CFAP299: variants seen among roughly 807,000 people sequenced by gnomAD.
The protein encoded by CFAP299 is cilia and flagella associated protein 299, also known as cilia- and flagella-associated protein 299.
Under a neutral mutation model 27.0 loss-of-function variants are expected in CFAP299, and 21 were observed. The ratio of observed to expected loss-of-function variants is 0.78; its 90% confidence interval spans 0.55 to 1.12. CFAP299 has a LOEUF of 1.12. CFAP299 is among the 50% of genes most tolerant of loss of function. CFAP299 has a pLI of 0.00. For missense variants in CFAP299, 310 were observed against 276.6 expected, an observed-to-expected ratio of 1.12 and a Z score of -0.86; for synonymous variants, 104 against 98.1, an observed-to-expected ratio of 1.06 and a Z score of -0.36.
intron 3 of CFAP299, among the ~76,000 whole-genome samples, chr4:80,850,712 T>A (rs1433061567): frequency 2.0e-5 from 3 of 152,064 alleles, no homozygotes; most frequent in Non-Finnish European, 4.4e-5. Context: ...GAGAATCATA[T>A]GCTGATTTCC....
intron 3 of CFAP299, among the ~76,000 whole-genome samples, chr4:80,731,425 T>C (rs1256225459): frequency 6.6e-6 from 1 of 152,220 alleles, no homozygotes; most frequent in Non-Finnish European, 1.5e-5. Flanking sequence ...AAATGCCCAA[T>C]AATGGCTTGT....
chr4:80,675,605 T>C (rs1012084613), intron 3 of CFAP299, among the ~76,000 whole-genome samples: 1 of 152,178 alleles, frequency 6.6e-6, no homozygotes, highest in African/African-American at 2.4e-5. Flanking sequence ...TCTGCAGAAG[T>C]TTCTGCTGCC....
intron 3 of CFAP299, among the ~76,000 whole-genome samples, chr4:80,765,112 G>T (rs1265965760): frequency 6.6e-6 from 1 of 151,862 alleles, no homozygotes; most frequent in Admixed American, 6.6e-5. Context: ...GTAAAGAAAA[G>T]AAATCTTCTG....
intron 3 of CFAP299, among the ~76,000 whole-genome samples, chr4:80,671,881 T>G (rs1177423626): frequency 6.6e-6 from 1 of 152,194 alleles, no homozygotes; most frequent in Non-Finnish European, 1.5e-5. Flanking sequence ...CTTATCAGCT[T>G]AAGGAGATTT....
intron 5 of CFAP299, among the ~76,000 whole-genome samples, chr4:80,950,261 C>CG (rs909226549): frequency 2.0e-5 from 3 of 151,830 alleles, no homozygotes; most frequent in African/African-American, 4.8e-5. Context: ...CCACCCCCCC[C>CG]CTTTCTCATT....
At chr4:80,581,754 T>C (rs531996769) in intron 2 of CFAP299, among the ~76,000 whole-genome samples, 1 of 151,818 alleles carries the variant, frequency 6.6e-6, no homozygotes, top group African/African-American at 2.4e-5. Context: ...TTTGTGATAG[T>C]CCCTTAATTA....
intron 3 of CFAP299, among the ~76,000 whole-genome samples, chr4:80,735,312 T>A (rs1723788691): frequency 6.6e-6 from 1 of 152,150 alleles, no homozygotes; most frequent in Non-Finnish European, 1.5e-5. Context: ...CATTACTGAG[T>A]TTATTACTTC....
At chr4:80,685,743 A>C (rs1266297002) in intron 3 of CFAP299, among the ~76,000 whole-genome samples, 1 of 152,076 alleles carries the variant, frequency 6.6e-6, no homozygotes, top group African/African-American at 2.4e-5. Context: ...CTTTGTAAAA[A>C]ATAAGCTTGC....
intron 3 of CFAP299, among the ~76,000 whole-genome samples, chr4:80,818,904 G>C (rs1345012393): frequency 6.6e-6 from 1 of 152,090 alleles, no homozygotes; most frequent in African/African-American, 2.4e-5. Context: ...AGGGAGATAA[G>C]CTGAGAGTAT....
intron 5 of CFAP299, among the ~76,000 whole-genome samples, chr4:80,948,412 G>T (rs556958344): frequency 6.6e-5 from 10 of 152,042 alleles, no homozygotes; most frequent in Non-Finnish European, 1.5e-4. Context: ...TTCTATTTTT[G>T]AGTGAAGAAT....
At chr4:80,472,112 T>C (rs76916968) in intron 2 of CFAP299, among the ~76,000 whole-genome samples, 1,955 of 152,352 alleles carry the variant, frequency 0.013, 46 homozygotes, top group African/African-American at 0.044. Context: ...TAAATACTGT[T>C]GAACTTTTAG....
At chr4:80,386,312 GC>G in intron 2 of CFAP299, 2 of 1,307,808 alleles carry the variant, frequency 1.5e-6, no homozygotes. Context: ...CAGATTCTGT[GC>G]CCACCGCACC....
At chr4:80,800,259 T>TAATATATA (rs1216360242) in intron 3 of CFAP299, among the ~76,000 whole-genome samples, 1 of 71,962 alleles carries the variant, frequency 1.4e-5, no homozygotes, top group Non-Finnish European at 2.3e-5. Context: ...ATATATATTA[T>TAATATATA]ATAAATAAAA....
intron 2 of CFAP299, among the ~76,000 whole-genome samples, chr4:80,431,982 G>A (rs1160268882): frequency 6.6e-6 from 1 of 152,088 alleles, no homozygotes; most frequent in African/African-American, 2.4e-5. Flanking sequence ...TATAAGGATA[G>A]GGACATTTTC....
At chr4:80,716,865 T>C (rs891590368) in intron 3 of CFAP299, among the ~76,000 whole-genome samples, 2 of 152,038 alleles carry the variant, frequency 1.3e-5, no homozygotes, top group African/African-American at 4.8e-5. Context: ...TGATTGTCAG[T>C]GATAGAGAGG....
chr4:80,759,967 T>C (rs1162550447), intron 3 of CFAP299, among the ~76,000 whole-genome samples: 1 of 152,122 alleles, frequency 6.6e-6, no homozygotes, highest in African/African-American at 2.4e-5. Flanking sequence ...AGGCAGCCTC[T>C]TTGCAAGTCT....
intron 4 of CFAP299, among the ~76,000 whole-genome samples, chr4:80,910,836 G>A (rs1305595323): frequency 6.6e-6 from 1 of 151,946 alleles, no homozygotes; most frequent in African/African-American, 2.4e-5. Context: ...TGTCATCACT[G>A]ACTATTCTAA....
intron 3 of CFAP299, among the ~76,000 whole-genome samples, chr4:80,808,197 A>T (rs1025013695): frequency 1.3e-5 from 2 of 152,174 alleles, no homozygotes; most frequent in African/African-American, 4.8e-5. Context: ...AAACCAGTTA[A>T]TTTGACTGCT....
At chr4:80,898,828 T>C (rs1199572793) in intron 4 of CFAP299, among the ~76,000 whole-genome samples, 2 of 152,098 alleles carry the variant, frequency 1.3e-5, no homozygotes, top group South Asian at 4.1e-4. Flanking sequence ...TTAGGTAATT[T>C]CCAGGAAATA....
Sources: allele counts gnomAD v4.1 joint callset (sites outside exome capture counted in the v4.1 genomes callset), GRCh38; gene constraint gnomAD v4.1.1; transcripts MANE v1.5; gene names NCBI Gene and HGNC (gene_info 2026-07-23, HGNC 2026-07-21).